The following PRKG2 variants were observed in gnomAD, a reference collection of about 807,000 sequenced individuals.
PRKG2 encodes the protein cGMP-dependent protein kinase 2.
Under a neutral mutation model 97.2 loss-of-function variants are expected in PRKG2, and 33 were observed. That is an observed-to-expected ratio of 0.34 (90% confidence interval 0.26 to 0.45). The LOEUF is 0.45. Among genes scored for constraint, PRKG2 ranks in the 20% least tolerant of loss-of-function variants. The pLI is 1.00. For synonymous variants in PRKG2, 330 were observed against 321.8 expected, an observed-to-expected ratio of 1.03 and a Z score of -0.27; for missense variants, 638 against 900.0, an observed-to-expected ratio of 0.71 and a Z score of 3.73.
intron 6 of PRKG2, among the ~76,000 whole-genome samples, chr4:81,162,811 C>A (rs1424910499): frequency 1.3e-5 from 2 of 152,106 alleles, no homozygotes; most frequent in Admixed American, 1.3e-4. Flanking sequence ...GCTATAGCTG[C>A]GGGGATTGTG....
At chr4:81,136,204 T>TACA (rs1378245997) in intron 13 of PRKG2, among the ~76,000 whole-genome samples, 2 of 152,328 alleles carry the variant, frequency 1.3e-5, no homozygotes, top group East Asian at 3.9e-4. Context: ...ATGTTCATGA[T>TACA]ACAACACATT....
chr4:81,161,252 T>C (rs1211845417), intron 6 of PRKG2, among the ~76,000 whole-genome samples: 2 of 152,162 alleles, frequency 1.3e-5, no homozygotes, highest in Non-Finnish European at 2.9e-5. Context: ...AGTTAAAAAG[T>C]TCTTTGAAGC....
intron 14 of PRKG2, among the ~76,000 whole-genome samples, chr4:81,124,365 A>G (rs1745350505): frequency 6.6e-6 from 1 of 152,068 alleles, no homozygotes; most frequent in Non-Finnish European, 1.5e-5. Context: ...TTGTACTTTC[A>G]CTACTACAAT....
chr4:81,092,004 GTAT>G (rs1341337983), intron 18 of PRKG2, among the ~76,000 whole-genome samples: 4 of 151,900 alleles, frequency 2.6e-5, no homozygotes, highest in African/African-American at 4.8e-5. Flanking sequence ...TATTTTGGAG[GTAT>G]TATGATAATT....
chr4:81,170,661 A>G (rs997029166), intron 4 of PRKG2, among the ~76,000 whole-genome samples: 2 of 152,130 alleles, frequency 1.3e-5, no homozygotes, highest in African/African-American at 2.4e-5. Context: ...GAAAAACATC[A>G]TATCTATGTA....
intron 8 of PRKG2, among the ~76,000 whole-genome samples, chr4:81,150,040 T>G (rs1452277288): frequency 6.6e-6 from 1 of 152,090 alleles, no homozygotes; most frequent in Admixed American, 6.6e-5. Flanking sequence ...CATGGACCTT[T>G]GAGACAGCAG....
At chr4:81,191,920 G>C (rs1483738235) in intron 2 of PRKG2, among the ~76,000 whole-genome samples, 1 of 152,056 alleles carries the variant, frequency 6.6e-6, no homozygotes, top group East Asian at 1.9e-4. Flanking sequence ...AAAGTTATTT[G>C]GCCATCTATA....
chr4:81,189,092 A>AAAAAAAAAAAAAAG (rs1752225194), intron 2 of PRKG2, among the ~76,000 whole-genome samples: 1 of 116,876 alleles, frequency 8.6e-6, no homozygotes, highest in Admixed American at 7.9e-5. Context: ...AAAAAAAAAA[A>AAAAAAAAAAAAAAG]GAAGCTAGCA....
chr4:81,203,738 A>G (rs780241947), intron 2 of PRKG2, among the ~76,000 whole-genome samples: 1 of 152,068 alleles, frequency 6.6e-6, no homozygotes, highest in Non-Finnish European at 1.5e-5. Context: ...ACACACACAC[A>G]CACCCCTATA....
At chr4:81,181,472 T>G (rs189898639) in intron 2 of PRKG2, among the ~76,000 whole-genome samples, 168 of 125,928 alleles carry the variant, frequency 1.3e-3, no homozygotes, top group Admixed American at 6.1e-3. Flanking sequence ...CTCAAAAGAC[T>G]AGAAAAAGTA....
In PRKG2 at chr4:81,103,351, TGGC is replaced by T. The variant is rs1428358619; in HGVS notation, c.2126+1016_2126+1018del. Among the ~76,000 whole-genome samples, 1,216 of 149,120 alleles carry T rather than the reference TGGC, an allele frequency of 8.2e-3. 10 individuals are homozygous for T. The highest frequency in any genetic ancestry group is 0.028 in the African/African-American group (1,137 of 40,942). On this transcript the variant is annotated intron_variant, in intron 17 of 18. Transcript: ENST00000264399. ...CAGGCCGTCTTATGAAGGTTATCAA[TGGC>T]TCTAAAGGCCAGCTTTAAAAATTCA...
At chr4:81,107,916 C>T (rs1743509762) in intron 15 of PRKG2, among the ~76,000 whole-genome samples, 2 of 152,096 alleles carry the variant, frequency 1.3e-5, no homozygotes, top group African/African-American at 4.8e-5. Context: ...TTCAAAAACA[C>T]TTTCGAGGCC....
intron 6 of PRKG2, chr4:81,154,093 TC>T (rs1217749057): frequency 1.7e-5 from 3 of 174,802 alleles, no homozygotes; most frequent in Non-Finnish European, 2.4e-5. Flanking sequence ...CGAGATTATA[TC>T]CCCGCACCTG....
chr4:81,103,874 T>A (rs1743057892), intron 17 of PRKG2, among the ~76,000 whole-genome samples: 1 of 151,940 alleles, frequency 6.6e-6, no homozygotes, highest in Non-Finnish European at 1.5e-5. Flanking sequence ...CTACTAAAAA[T>A]ACAAAAATCA....
At chr4:81,114,441 G>A (rs1254380594) in intron 14 of PRKG2, among the ~76,000 whole-genome samples, 1 of 152,078 alleles carries the variant, frequency 6.6e-6, no homozygotes, top group South Asian at 2.1e-4. Context: ...AGGTTCAAAG[G>A]GAATCTTCTT....
chr4:81,140,350 C>T (rs1176360971), intron 12 of PRKG2, among the ~76,000 whole-genome samples, 183 bp downstream of exon 12: 2 of 152,096 alleles, frequency 1.3e-5, no homozygotes, highest in East Asian at 3.9e-4. Flanking sequence ...GGGATGGATA[C>T]CCCATTTTCC....
chr4:81,211,250 A>G (rs1753956770), intron 1 of PRKG2, among the ~76,000 whole-genome samples: 1 of 152,180 alleles, frequency 6.6e-6, no homozygotes, highest in Admixed American at 6.5e-5. Flanking sequence ...CATACTGATG[A>G]AAGATGTTAA....
rs550596402 is a variant in PRKG2, at chr4:81,135,037, T to C, written c.1776+118A>G. 14 of 972,234 alleles carry C rather than the reference T, an allele frequency of 1.4e-5. No homozygotes were observed. In the East Asian group the frequency reaches 2.1e-4, roughly 14 times the overall value. 60.2% of individuals were successfully genotyped at this position (972,234 alleles called of 1,614,324 possible). A position where few individuals can be genotyped will look rare whatever the true frequency, so the allele number is the denominator to read the frequency against. Reference sequence around the variant, plus strand: ...TATTGTCGGGAAATGTCAAAGGCCATACTGCCAAAGAGAGAATAACAGCTG... The same window carrying C: ...TATTGTCGGGAAATGTCAAAGGCCACACTGCCAAAGAGAGAATAACAGCTG... On this transcript the variant is annotated intron_variant, in intron 14 of 18. Coordinates refer to ENST00000264399, the MANE Select transcript of PRKG2 (RefSeq NM_006259.3).
intron 7 of PRKG2, among the ~76,000 whole-genome samples, chr4:81,152,713 T>C (rs548177657): frequency 7.2e-5 from 11 of 152,350 alleles, no homozygotes; most frequent in African/African-American, 2.4e-4. Flanking sequence ...CATTTATGTA[T>C]GTCACAATGA....
Sources: allele counts gnomAD v4.1 joint callset (sites outside exome capture counted in the v4.1 genomes callset), GRCh38; gene constraint gnomAD v4.1.1; transcripts MANE v1.5; gene names NCBI Gene and HGNC (gene_info 2026-07-23, HGNC 2026-07-21).